The following PRR12 variants were observed in gnomAD, a reference collection of about 807,000 sequenced individuals.
PRR12 encodes the protein proline-rich protein 12.
In PRR12, 12 loss-of-function variants were observed where a neutral mutation model predicts 138.0. That is an observed-to-expected ratio of 0.09 (90% CI 0.06 to 0.14). PRR12 has a LOEUF of 0.14. PRR12 is among the 10% of genes least tolerant of loss of function. PRR12 has a pLI of 1.00. For synonymous variants in PRR12, 1,567 were observed against 1,291.7 expected, an observed-to-expected ratio of 1.21 and a Z score of -4.57; for missense variants, 2,692 against 2,861.3, an observed-to-expected ratio of 0.94 and a Z score of 1.35.
rs1188623767 is a variant in PRR12, at chr19:49,616,988, AGCATGGT to A, written c.5497+771_5497+777del. Among the ~76,000 whole-genome samples, 1 of 152,048 alleles carries A rather than the reference AGCATGGT, an allele frequency of 6.6e-6. No individual in the cohort carries two copies. Among genetic ancestry groups the A allele is most frequent in the African/African-American group, 2.4e-5 (1 of 41,410 alleles). On this transcript the variant is annotated intron_variant, in intron 9 of 13. Coordinates refer to ENST00000418929, the MANE Select transcript of PRR12 (RefSeq NM_020719.3). This position sits in a 1 kb window ranked among gnomAD's most constrained non-coding sequence, Gnocchi z 4.2. ...TACTAAAAAATACAAAAATTAGCCC[AGCATGGT>A]GGCGTGTGCCTGTAATCCCAGCTAC...
At chr19:49,620,503 G>A (rs376034554) in intron 10 of PRR12, 26 bp downstream of exon 10, 16 of 1,547,882 alleles carry the variant, frequency 1.0e-5, no homozygotes, top group Middle Eastern at 1.7e-4. Context: ...GGGAGGAGGG[G>A]GGGGGGCTGA....
chr19:49,623,609 G>A (rs1383642849), intron 11 of PRR12, among the ~76,000 whole-genome samples: 3 of 151,818 alleles, frequency 2.0e-5, no homozygotes, highest in Non-Finnish European at 2.9e-5. Flanking sequence ...TCCAGCCTGG[G>A]CGACAGAGCG....
chr19:49,594,779 G>T lies in PRR12; in HGVS notation c.444G>T (p.Leu148=), dbSNP rs1455132711. The T allele has an allele frequency of 6.2e-7, 1 of 1,613,352 alleles. No homozygotes were observed. The highest frequency in any genetic ancestry group is 8.5e-7 in the Non-Finnish European group (1 of 1,179,768). ...GSSTFPSSSA[L]SAYQHPASFG... Reference sequence around the variant, plus strand: ...GCACCTTTCCGTCCTCATCTGCCCTGTCGGCTTACCAACACCCGGCTTCCT... The same window carrying T: ...GCACCTTTCCGTCCTCATCTGCCCTTTCGGCTTACCAACACCCGGCTTCCT... Residue 148 remains leucine (L), a synonymous_variant, in exon 4 of 14, where the codon CTG becomes CTT. Coordinates refer to ENST00000418929, the MANE Select transcript of PRR12 (RefSeq NM_020719.3). This position sits in a 1 kb window ranked among gnomAD's most constrained non-coding sequence, Gnocchi z 5.6.
chr19:49,611,847 C>T (rs1318474353), intron 6 of PRR12, among the ~76,000 whole-genome samples: 1 of 135,122 alleles, frequency 7.4e-6, no homozygotes, highest in African/African-American at 2.9e-5. Flanking sequence ...GGCGTGAACC[C>T]GGGAGGCGGA....
In PRR12 at chr19:49,591,697, G is replaced by C; in HGVS notation, c.43G>C (p.Gly15Arg). The C allele has an allele frequency of 1.1e-5, 15 of 1,404,996 alleles. No homozygotes were observed. The highest frequency in any genetic ancestry group is 1.4e-5 in the Non-Finnish European group (15 of 1,064,826). 87.0% of individuals were successfully genotyped at this position (1,404,996 alleles called of 1,614,324 possible). The change falls in exon 1 of 14, where the codon GGC becomes CGC. Residue 15 changes from glycine (G) to arginine (R), a missense_variant. Coordinates refer to ENST00000418929, the MANE Select transcript of PRR12 (RefSeq NM_020719.3). ...CAGCGCCGGCTTCGGGGACCCGCTCGGCGCCGGGGCGGGATGGAGTTACGA... is the reference window on the plus strand; with the variant it reads ...CAGCGCCGGCTTCGGGGACCCGCTCCGCGCCGGGGCGGGATGGAGTTACGA... ...YPSAGFGDPLGAGAGWSYERS... is the reference protein window; with the variant it reads ...YPSAGFGDPLRAGAGWSYERS...
rs990891756 is a variant in PRR12, at chr19:49,625,210, A to G, written c.5964+10A>G. On this transcript the variant is annotated intron_variant, in intron 13 of 13. Transcript: ENST00000418929. This position sits in a 1 kb window ranked among gnomAD's most constrained non-coding sequence, Gnocchi z 5.5. ...GCGCTGCCGGGACCAGGTGAGCCCC[A>G]CCCACAGCACCCATCGCCCTGGGAT... is the stretch of plus-strand genomic sequence containing the variant. 2 of 1,608,584 alleles carry G rather than the reference A, an allele frequency of 1.2e-6. No homozygotes were observed. The highest frequency in any genetic ancestry group is 2.7e-5 in the African/African-American group (2 of 74,876).
intron 11 of PRR12, among the ~76,000 whole-genome samples, chr19:49,622,847 G>A (rs1321610234): frequency 6.8e-5 from 10 of 146,638 alleles, no homozygotes; most frequent in Admixed American, 3.4e-4. Flanking sequence ...AGGCGAGATC[G>A]TGCCACTGCA....
chr19:49,592,762 G>T (rs540807939), intron 1 of PRR12, among the ~76,000 whole-genome samples: 1 of 152,194 alleles, frequency 6.6e-6, no homozygotes, highest in African/African-American at 2.4e-5. Context: ...GTTCACACTT[G>T]TACCTGGTAC....
chr19:49,600,720 G>T (rs2080805683), intron 5 of PRR12, among the ~76,000 whole-genome samples: 1 of 151,274 alleles, frequency 6.6e-6, no homozygotes. Context: ...CTTGAGACAG[G>T]GTCTCTCTAT....
In PRR12 at chr19:49,601,473, T is replaced by C. The variant is rs1442797089; in HGVS notation, c.4346-18T>C. On this transcript the variant is annotated intron_variant, in intron 5 of 13. Transcript: ENST00000418929. ...AATGATGAATAACATCCAGGCCTGA[T>C]GTCCCTGTCTCCCCCAGAGCCCCCG... is the stretch of plus-strand genomic sequence containing the variant. The C allele has an allele frequency of 1.9e-5, 27 of 1,397,066 alleles. No individual in the cohort carries two copies. In the East Asian group the frequency reaches 6.5e-4, roughly 34 times the overall value. 86.5% of individuals were successfully genotyped at this position (1,397,066 alleles called of 1,614,324 possible).
chr19:49,605,990 T>C (rs144073485), intron 6 of PRR12, among the ~76,000 whole-genome samples: 2 of 152,280 alleles, frequency 1.3e-5, no homozygotes, highest in Non-Finnish European at 2.9e-5. Flanking sequence ...CTCTGCCACT[T>C]ATTATTATTT....
chr19:49,605,857 G>A (rs2080835541), intron 6 of PRR12, among the ~76,000 whole-genome samples: 1 of 152,238 alleles, frequency 6.6e-6, no homozygotes, highest in African/African-American at 2.4e-5. Context: ...ATTATAATGG[G>A]GGCAAAGCCC....
intron 6 of PRR12, among the ~76,000 whole-genome samples, chr19:49,607,805 G>C (rs1273705699): frequency 1.3e-5 from 2 of 151,986 alleles, no homozygotes; most frequent in East Asian, 3.9e-4. Context: ...AGTCACCTGA[G>C]GTCCGGAGTT....
Position 49,599,729 on chromosome 19 carries a change from C to T in PRR12, c.4136C>T (p.Ser1379Phe), listed in dbSNP as rs777409807. Residue 1379 changes from serine (S) to phenylalanine (F), a missense_variant, in exon 5 of 14, where the codon TCC becomes TTC. By Grantham distance (155) the Ser-to-Phe change is radical. Coordinates refer to ENST00000418929, the MANE Select transcript of PRR12 (RefSeq NM_020719.3). This position sits in a 1 kb window ranked among gnomAD's most constrained non-coding sequence, Gnocchi z 5.0. ...ELKRNLETLP[S>F]FSSDEEDSVA... Reference sequence around the variant, plus strand: ...AAGCGGAACCTCGAGACGCTGCCCTCCTTCTCCTCGGATGAGGAAGACTCT... The same window carrying T: ...AAGCGGAACCTCGAGACGCTGCCCTTCTTCTCCTCGGATGAGGAAGACTCT... 6.2e-7 allele frequency: 1 copy of T among 1,613,652 alleles called. No individual in the cohort carries two copies. Among genetic ancestry groups the T allele is most frequent in the Non-Finnish European group, 8.5e-7 (1 of 1,179,888 alleles).
chr19:49,613,359 G>GC (rs113470632), intron 6 of PRR12, among the ~76,000 whole-genome samples: 1 of 151,318 alleles, frequency 6.6e-6, no homozygotes, highest in African/African-American at 2.4e-5. Context: ...AAAATCTGAG[G>GC]CCCCTCCTCT....
chr19:49,596,829 G>C lies in PRR12; in HGVS notation c.2494G>C (p.Ala832Pro). Residue 832 changes from alanine (A) to proline (P), a missense_variant, in exon 4 of 14, where the codon GCA becomes CCA. Transcript: ENST00000418929. The surrounding 1 kb of genome is among the most constrained non-coding windows in gnomAD (Gnocchi z 5.6). ...HLLEPATRDG[A>P]PQPPPPPPPP... is the part of the protein sequence containing the mutation. Reference sequence around the variant, plus strand: ...CCTTGAGCCAGCCACCCGCGATGGGGCACCCCAGCCACCTCCACCGCCACC... The same window carrying C: ...CCTTGAGCCAGCCACCCGCGATGGGCCACCCCAGCCACCTCCACCGCCACC... The C allele has an allele frequency of 6.3e-7, 1 of 1,595,970 alleles. No individual in the cohort carries two copies. The highest frequency in any genetic ancestry group is 8.5e-7 in the Non-Finnish European group (1 of 1,177,914).
Position 49,616,481 on chromosome 19 carries a change from C to G in PRR12, c.5497+262C>G, listed in dbSNP as rs564989877. Among the ~76,000 whole-genome samples, 2 of 152,262 alleles carry G rather than the reference C, an allele frequency of 1.3e-5. No individual in the cohort carries two copies. Among genetic ancestry groups the G allele is most frequent in the South Asian group, 4.2e-4 (2 of 4,818 alleles). On this transcript the variant is annotated intron_variant, in intron 9 of 13. Coordinates refer to ENST00000418929, the MANE Select transcript of PRR12 (RefSeq NM_020719.3). The surrounding 1 kb of genome is among the most constrained non-coding windows in gnomAD (Gnocchi z 4.2). Reference sequence around the variant, plus strand: ...TCATCTACAGATGAGGAAGCTGAGGCTCCAAGAGAGGGCAGCACAGTCTGT... The same window carrying G: ...TCATCTACAGATGAGGAAGCTGAGGGTCCAAGAGAGGGCAGCACAGTCTGT...
intron 6 of PRR12, among the ~76,000 whole-genome samples, chr19:49,609,682 G>A (rs1267956754): frequency 6.6e-6 from 1 of 152,108 alleles, no homozygotes; most frequent in Non-Finnish European, 1.5e-5. Flanking sequence ...CTGTGCAAAG[G>A]CCCTGTGGTG....
chr19:49,620,899 AGGTCTGAGGAAGGAGGGACTGGACTCCCG>A (rs2080919170), intron 10 of PRR12, among the ~76,000 whole-genome samples: 1 of 122,778 alleles, frequency 8.1e-6, no homozygotes, highest in Admixed American at 8.9e-5. Flanking sequence ...CTGGACTCCC[AGGTCTGAGGAAGGAGGGACTGGACTCCCG>A]GGTCTGAGGA....
Sources: allele counts gnomAD v4.1 joint callset (sites outside exome capture counted in the v4.1 genomes callset), GRCh38; gene constraint gnomAD v4.1.1; non-coding constraint Gnocchi (gnomAD v3.1); transcripts MANE v1.5; gene names NCBI Gene and HGNC (gene_info 2026-07-23, HGNC 2026-07-21).